MYCBP: variants seen among roughly 807,000 people sequenced by gnomAD.
MYCBP encodes MYC binding protein.
Under a neutral mutation model 16.8 loss-of-function variants are expected in MYCBP, and 5 were observed. The observed-to-expected ratio is 0.30, with a 90% confidence interval of 0.16 to 0.63. The LOEUF is 0.63. Ranked by LOEUF, MYCBP falls within the 20% of genes least tolerant of loss-of-function variation. MYCBP has a pLI of 0.83. For missense variants in MYCBP, 103 were observed against 121.8 expected (o/e 0.85, Z 0.73); for synonymous variants, 35 against 43.7 (o/e 0.80, Z 0.79).
chr1:38,871,654 C>T (rs1265999650), intron 2 of MYCBP, among the ~76,000 whole-genome samples: 1 of 151,176 alleles, frequency 6.6e-6, no homozygotes, highest in Non-Finnish European at 1.5e-5. Context: ...CTCTAGCAGT[C>T]CACCCACCTC....
At chr1:38,869,307 C>T (rs1333453881) in intron 2 of MYCBP, among the ~76,000 whole-genome samples, 1 of 152,036 alleles carries the variant, frequency 6.6e-6, no homozygotes, top group Non-Finnish European at 1.5e-5. Context: ...AGGCTAGTCT[C>T]GAACTCCCAG....
intron 2 of MYCBP, among the ~76,000 whole-genome samples, chr1:38,871,578 A>AT (rs77202040): frequency 0.073 from 10,375 of 141,392 alleles, 586 homozygotes; most frequent in African/African-American, 0.16. Context: ...ATGCCCAGCA[A>AT]TTTTTTTTTT....
In MYCBP at chr1:38,864,693, G is replaced by C; in HGVS notation, c.289C>G (p.Gln97Glu). 6.2e-7 allele frequency: 1 copy of C among 1,613,916 alleles called. No homozygotes were observed. The highest frequency in any genetic ancestry group is 8.5e-7 in the Non-Finnish European group (1 of 1,179,892). Residue 97 changes from glutamine (Q) to glutamate (E), a missense_variant, in exon 5 of 5, where the codon CAG (glutamine) becomes GAG (glutamate). Physicochemically the swap from Gln to Glu is conservative, Grantham distance 29 (BLOSUM62 2). Transcript: ENST00000397572. ...TCCTATTCAGCACGCTTCTCCTCCT[G>C]AGGTGGTTCATACTGAGCAAGCTAT... is the stretch of plus-strand genomic sequence containing the variant. ...KAKLAQYEPPQEEKRAE is the reference protein window; with the variant it reads ...KAKLAQYEPPEEEKRAE
intron 2 of MYCBP, among the ~76,000 whole-genome samples, chr1:38,871,111 C>T (rs1570889566): frequency 6.6e-6 from 1 of 152,206 alleles, no homozygotes; most frequent in East Asian, 1.9e-4. Context: ...CATGGTGGCA[C>T]ATGCCTGTAA....
At chr1:38,869,438 C>T (rs916595691) in intron 2 of MYCBP, among the ~76,000 whole-genome samples, 3 of 152,068 alleles carry the variant, frequency 2.0e-5, no homozygotes, top group African/African-American at 4.8e-5. Flanking sequence ...CTCTCCTCCT[C>T]TTATTCCCCC....
At chr1:38,873,185 C>T in intron 1 of MYCBP, 95 bp from the exon 2 acceptor site, 1 of 1,558,380 alleles carries the variant, frequency 6.4e-7, no homozygotes, top group African/African-American at 1.4e-5. Context: ...CTCACTACCT[C>T]GGGGCCCTCC....
intron 2 of MYCBP, among the ~76,000 whole-genome samples, chr1:38,869,472 T>C (rs1046805179): frequency 6.6e-6 from 1 of 152,178 alleles, no homozygotes; most frequent in African/African-American, 2.4e-5. Flanking sequence ...CAGCTTCTCA[T>C]TTGTCACTGG....
chr1:38,862,591 T>C lies in MYCBP; in HGVS notation c.*2079A>G, dbSNP rs1157814423. On this transcript the variant is annotated 3_prime_UTR_variant, in exon 5 of 5. Transcript: ENST00000397572. Reference sequence around the variant, plus strand: ...TATAGACAAAGCAGCTGAAGCATAATAGGAGCTTAACTGGTGGGATCCATT... The same window carrying C: ...TATAGACAAAGCAGCTGAAGCATAACAGGAGCTTAACTGGTGGGATCCATT... Among the ~76,000 whole-genome samples the C allele has an allele frequency of 1.3e-5, 2 of 152,254 alleles. No individual in the cohort carries two copies. Among genetic ancestry groups the C allele is most frequent in the Non-Finnish European group, 2.9e-5 (2 of 68,044 alleles).
Position 38,873,089 on chromosome 1 carries a change from G to A in MYCBP, c.17C>T (p.Ala6Val), listed in dbSNP as rs749125923. Residue 6 changes from alanine (A) to valine (V), a missense_variant and splice_region_variant, in exon 2 of 5, where the codon GCC (alanine) becomes GTC (valine). Physicochemically the swap from Ala to Val is moderately conservative, Grantham distance 64. Coordinates refer to ENST00000397572, the MANE Select transcript of MYCBP (RefSeq NM_012333.5). The part of the protein sequence containing the change: MAHYK[A>V]ADSKREQFRR... ...GAACTGCTCACGCTTCGAGTCGGCG[G>A]CCTGAAGAGACACCGGGGGTCAGTG... 4.5e-6 allele frequency: 7 copies of A among 1,559,468 alleles called. No homozygotes were observed. In the South Asian group the frequency reaches 8.3e-5, roughly 18 times the overall value.
chr1:38,873,202 A>C (rs1642505703), intron 1 of MYCBP, 89 bp downstream of exon 1: 8 of 1,568,806 alleles, frequency 5.1e-6, no homozygotes, highest in African/African-American at 1.4e-5. Flanking sequence ...CTCCCGCCCA[A>C]ACCTGCGCGC....
Position 38,864,235 on chromosome 1 carries a change from C to T in MYCBP, c.*435G>A, listed in dbSNP as rs1055721524. On this transcript the variant is annotated 3_prime_UTR_variant, in exon 5 of 5. Coordinates refer to ENST00000397572, the MANE Select transcript of MYCBP (RefSeq NM_012333.5). ...TTCATGGGAACCCGTACAAAAGCAT[C>T]TTGTGTCACACAGATCTCTCCAGCT... 3.8e-5 allele frequency: 6 copies of T among 159,328 alleles called. No homozygotes were observed. The highest frequency in any genetic ancestry group is 1.2e-4 in the African/African-American group (5 of 41,544). The allele number at this position is 159,328 out of a possible 1,614,324, so 9.9% of individuals were successfully genotyped here.
At chr1:38,866,296 C>T (rs955406091) in intron 4 of MYCBP, among the ~76,000 whole-genome samples, 1 of 152,084 alleles carries the variant, frequency 6.6e-6, no homozygotes, top group Non-Finnish European at 1.5e-5. Flanking sequence ...GATCTGCCCA[C>T]CTCAGCCTCC....
intron 4 of MYCBP, among the ~76,000 whole-genome samples, chr1:38,865,279 T>C (rs553302958): frequency 6.6e-6 from 1 of 152,334 alleles, no homozygotes; most frequent in African/African-American, 2.4e-5. Context: ...CAACTACCTG[T>C]TGGAGTTGAG....
At position 38,862,688 on chromosome 1, in the gene MYCBP, C is replaced by T. The variant is rs966045455; in HGVS notation, c.*1982G>A. 6.6e-6 allele frequency among the ~76,000 whole-genome samples: 1 copy of T among 152,158 alleles called. No homozygotes were observed. The highest frequency in any genetic ancestry group is 2.4e-5 in the African/African-American group (1 of 41,426). On this transcript the variant is annotated 3_prime_UTR_variant, in exon 5 of 5. Transcript: ENST00000397572. The stretch of plus-strand genomic sequence containing the variant: ...CCTTGACAGAAATGTTGAAGAGGAC[C>T]TCTAGAGGCTAAGCTTATCCTGAAT...
chr1:38,873,330 G>A lies in MYCBP; in HGVS notation c.-25C>T, dbSNP rs536950955. On this transcript the variant is annotated 5_prime_UTR_variant, in exon 1 of 5. Coordinates refer to ENST00000397572, the MANE Select transcript of MYCBP (RefSeq NM_012333.5). ...TAGTGACAGCGGCAGCGGCGTAGCTGGCGCCGGAGACCGCGACTGGCGGGT... is the reference window on the plus strand; with the variant it reads ...TAGTGACAGCGGCAGCGGCGTAGCTAGCGCCGGAGACCGCGACTGGCGGGT... The A allele has an allele frequency of 6.9e-6, 11 of 1,599,360 alleles. No individual in the cohort carries two copies. In the African/African-American group the frequency reaches 1.2e-4, roughly 17 times the overall value.
chr1:38,871,515 C>A (rs1409835473), intron 2 of MYCBP, among the ~76,000 whole-genome samples: 1 of 148,478 alleles, frequency 6.7e-6, no homozygotes, highest in Non-Finnish European at 1.5e-5. Flanking sequence ...CTCCTGGGCT[C>A]AGGTGATTCT....
intron 3 of MYCBP, 74 bp from the exon 4 acceptor site, chr1:38,867,083 T>G: frequency 7.2e-7 from 1 of 1,390,016 alleles, no homozygotes; most frequent in Non-Finnish European, 9.9e-7. Context: ...AGTATCAATA[T>G]CCCTGACCAG....
rs1046393380 is a variant in MYCBP at position 38,864,572 on chromosome 1, A to G, written c.*98T>C. On this transcript the variant is annotated 3_prime_UTR_variant, in exon 5 of 5. Coordinates refer to ENST00000397572, the MANE Select transcript of MYCBP (RefSeq NM_012333.5). ...TGATAGGTGAATTAAACATATTAAAAGAGTTCTATAGCATCTGTTCAGAAA... is the reference window on the plus strand; with the variant it reads ...TGATAGGTGAATTAAACATATTAAAGGAGTTCTATAGCATCTGTTCAGAAA... The G allele has an allele frequency of 2.5e-6, 3 of 1,211,306 alleles. No homozygotes were observed. Among genetic ancestry groups the G allele is most frequent in the Admixed American group, 1.8e-5 (1 of 55,678 alleles). 75.0% of individuals were successfully genotyped at this position (1,211,306 alleles called of 1,614,324 possible).
At chr1:38,870,863 C>T (rs1386057209) in intron 2 of MYCBP, among the ~76,000 whole-genome samples, 3 of 141,086 alleles carry the variant, frequency 2.1e-5, no homozygotes, top group Non-Finnish European at 4.6e-5. Flanking sequence ...ATGTTTGGAG[C>T]TGAAAATCAA....
Sources: gnomAD v4.1 joint callset for allele counts (sites outside exome capture counted in the v4.1 genomes callset) on GRCh38, gnomAD v4.1.1 for gene constraint, MANE v1.5 for transcripts, NCBI Gene and HGNC (gene_info 2026-07-23, HGNC 2026-07-21) for gene names.